NT5DC3: variants seen among roughly 807,000 people sequenced by gnomAD.
NT5DC3 encodes 5'-nucleotidase domain containing 3, also known as 5'-nucleotidase domain-containing protein 3.
NT5DC3 carries 42 observed loss-of-function variants against 67.8 expected under a neutral mutation model. That is an observed-to-expected ratio of 0.62 (90% CI 0.48 to 0.80). The LOEUF is 0.80. NT5DC3 is among the 30% of genes least tolerant of loss of function. The pLI is 0.00. For missense variants in NT5DC3, 570 were observed against 696.4 expected (o/e 0.82, Z 2.04); for synonymous variants, 237 against 255.6 (o/e 0.93, Z 0.69).
chr12:103,775,806 A>G lies in NT5DC3; in HGVS notation c.*2023T>C, dbSNP rs1885322958. The G allele has an allele frequency of 6.6e-6, 1 of 152,234 alleles. No individual in the cohort carries two copies. Among genetic ancestry groups the G allele is most frequent in the East Asian group, 1.9e-4 (1 of 5,202 alleles). 9.4% of individuals were successfully genotyped at this position (152,234 alleles called of 1,614,324 possible). ...AGCCAAATATCACAAGTACATTCCA[A>G]CTATAACAAGCAGCATTACAAAGGA... On this transcript the variant is annotated 3_prime_UTR_variant, in exon 14 of 14. Transcript: ENST00000392876.
At chr12:103,797,151 C>T in intron 5 of NT5DC3, 120 bp from the exon 6 acceptor site, 1 of 1,053,674 alleles carries the variant, frequency 9.5e-7, no homozygotes, top group Non-Finnish European at 1.4e-6. Context: ...ATCATCAACA[C>T]AAAAAAGGAA....
At chr12:103,813,636 C>T (rs59716163) in intron 2 of NT5DC3, among the ~76,000 whole-genome samples, 15,375 of 152,210 alleles carry the variant, frequency 0.1, 1,087 homozygotes, top group East Asian at 0.27. Flanking sequence ...TGATGGTCTC[C>T]TTCTATTCCA....
the NT5DC3 span, chr12:103,759,401 G>A: frequency 2.0e-5 from 26 of 1,330,378 alleles, no homozygotes; most frequent in Middle Eastern, 2.4e-4. Flanking sequence ...GATAGGGGAC[G>A]GTGTTAACTG....
At chr12:103,822,944 C>T (rs1376819943) in intron 1 of NT5DC3, among the ~76,000 whole-genome samples, 1 of 152,128 alleles carries the variant, frequency 6.6e-6, no homozygotes, top group Non-Finnish European at 1.5e-5. Flanking sequence ...CCCAAACGTA[C>T]ATCTCAGATA....
At chr12:103,758,445 C>A in the NT5DC3 span, among the ~76,000 whole-genome samples, 4 of 152,098 alleles carry the variant, frequency 2.6e-5, no homozygotes, top group Non-Finnish European at 4.4e-5. Context: ...GGTCTTGGCA[C>A]ACTCGGGTCT....
downstream of NT5DC3, among the ~76,000 whole-genome samples, chr12:103,769,405 T>C (rs11111759): frequency 0.31 from 47,139 of 152,084 alleles, 7,822 homozygotes; most frequent in East Asian, 0.65. Context: ...CTTGACAACT[T>C]GGTTCCCCAC....
intron 12 of NT5DC3, 31 bp from the exon 13 acceptor site, chr12:103,780,395 T>C (rs1240723739): frequency 7.5e-6 from 12 of 1,603,074 alleles, no homozygotes; most frequent in African/African-American, 1.3e-5. Context: ...ATTACAACTG[T>C]TTTGATTTCA....
At chr12:103,798,776 G>C in intron 4 of NT5DC3, 99 bp from the exon 5 acceptor site, 6 of 827,660 alleles carry the variant, frequency 7.2e-6, no homozygotes, top group Non-Finnish European at 1.2e-5. Context: ...GAGGTGCAAG[G>C]CACTGTCATC....
rs541511359 is a variant in NT5DC3 at position 103,819,349 on chromosome 12, G to GAAAC, written c.209-4232_209-4229dup. Reference sequence around the variant, plus strand: ...AGAACGCCAACCACTCACAAAAACAGAAACAGTCTGGCTAAACTTTAGACT... The same window carrying GAAAC: ...AGAACGCCAACCACTCACAAAAACAGAAACAAACAGTCTGGCTAAACTTTAGACT... On this transcript the variant is annotated intron_variant, in intron 1 of 13. Transcript: ENST00000392876. Among the ~76,000 whole-genome samples, 718 of 152,336 alleles carry GAAAC rather than the reference G, an allele frequency of 4.7e-3. 1 individual carries two copies. Among genetic ancestry groups the GAAAC allele is most frequent in the Non-Finnish European group, 8.2e-3 (558 of 68,016 alleles).
At chr12:103,798,535 T>C (rs1886420835) in intron 5 of NT5DC3, 52 bp downstream of exon 5, 38 of 1,270,214 alleles carry the variant, frequency 3.0e-5, no homozygotes, top group Non-Finnish European at 3.3e-5. Context: ...GACAAGGCCA[T>C]GTTTCAAGAA....
chr12:103,780,033 G>T (rs981966558), intron 13 of NT5DC3, among the ~76,000 whole-genome samples: 2 of 152,182 alleles, frequency 1.3e-5, no homozygotes, highest in African/African-American at 2.4e-5. Context: ...CAGGAAGGAG[G>T]AATGAGATGG....
chr12:103,787,853 C>T (rs7970553), intron 10 of NT5DC3, among the ~76,000 whole-genome samples: 120,935 of 152,156 alleles, frequency 0.79, 48,436 homozygotes, highest in South Asian at 0.95. Flanking sequence ...TGTTGGACAG[C>T]TGACATTATC....
intron 12 of NT5DC3, among the ~76,000 whole-genome samples, chr12:103,781,788 T>C (rs1430458815): frequency 6.6e-6 from 1 of 151,930 alleles, no homozygotes; most frequent in Non-Finnish European, 1.5e-5. Flanking sequence ...CACTCTAGAG[T>C]GGGTACTTAA....
chr12:103,814,843 G>A, intron 2 of NT5DC3, 94 bp downstream of exon 2: 1 of 819,490 alleles, frequency 1.2e-6, no homozygotes, highest in Non-Finnish European at 1.8e-6. Context: ...TTTATTAAAT[G>A]ACTTCTCTGT....
rs1230462823 is a variant in NT5DC3 at position 103,777,867 on chromosome 12, A to G, written c.1609T>C (p.Phe537Leu). The change falls in exon 14 of 14, where the codon TTC becomes CTC. Residue 537 changes from phenylalanine (F) to leucine (L), a missense_variant. Around this residue, in one of 2 missense-constraint regions of NT5DC3, gnomAD observed 466 missense variants for 608.0 expected, o/e 0.77. Coordinates refer to ENST00000392876, the MANE Select transcript of NT5DC3 (RefSeq NM_001031701.3). ...LPAWSERPPT[F>L]GTPLLQEAQA... The stretch of plus-strand genomic sequence containing the variant: ...GCCTCCTGCAGGAGAGGGGTTCCGA[A>G]GGTGGGGGGCCTTTCTGACCAGGCG... 6.2e-7 allele frequency: 1 copy of G among 1,613,868 alleles called. No individual in the cohort carries two copies.
At chr12:103,810,297 T>C (rs1266822867) in intron 2 of NT5DC3, among the ~76,000 whole-genome samples, 2 of 152,168 alleles carry the variant, frequency 1.3e-5, no homozygotes, top group Non-Finnish European at 1.5e-5. Context: ...ATCCTCGTGA[T>C]TGGCCCATTT....
chr12:103,791,795 G>A (rs1215287718), intron 9 of NT5DC3, among the ~76,000 whole-genome samples: 1 of 152,236 alleles, frequency 6.6e-6, no homozygotes, highest in Non-Finnish European at 1.5e-5. Context: ...TCTCAAAGGA[G>A]CGGAACCCTA....
intron 6 of NT5DC3, among the ~76,000 whole-genome samples, chr12:103,795,487 A>G (rs554270609): frequency 6.6e-6 from 1 of 152,330 alleles, no homozygotes; most frequent in South Asian, 2.1e-4. Flanking sequence ...GTGTATACAC[A>G]AAAAAGAGAA....
Position 103,793,436 on chromosome 12 carries a change from G to A in NT5DC3, c.891C>T (p.Leu297=). The A allele has an allele frequency of 1.9e-6, 3 of 1,614,138 alleles. No individual in the cohort carries two copies. Among genetic ancestry groups the A allele is most frequent in the Non-Finnish European group, 2.5e-6 (3 of 1,179,944 alleles). ...KLADHGKKMF[L]ITNSPSSFVD... is the part of the protein sequence containing the mutation. ...CAAAGCTACTGGGGCTATTGGTGAT[G>A]AGAAACATCTTCTTGCCATGATCAG... is the stretch of plus-strand genomic sequence containing the variant. Residue 297 remains leucine (L), a synonymous_variant, in exon 8 of 14, where the codon CTC becomes CTT. Coordinates refer to ENST00000392876, the MANE Select transcript of NT5DC3 (RefSeq NM_001031701.3).
Sources: gnomAD v4.1 joint callset for allele counts (sites outside exome capture counted in the v4.1 genomes callset) on GRCh38, gnomAD v4.1.1 for gene constraint, gnomAD v4.1.1 regional missense constraint, MANE v1.5 for transcripts, NCBI Gene and HGNC (gene_info 2026-07-23, HGNC 2026-07-21) for gene names.